TMTC2: variants seen among roughly 807,000 people sequenced by gnomAD.
The protein encoded by TMTC2 is protein O-mannosyl-transferase TMTC2.
A neutral mutation model predicts 82.4 loss-of-function variants in TMTC2; 43 were observed. The ratio of observed to expected loss-of-function variants is 0.52; its 90% CI spans 0.41 to 0.67. The LOEUF (loss-of-function observed/expected upper bound fraction) is 0.67, where lower values mean the gene tolerates loss of function less well. Among genes scored for constraint, TMTC2 ranks in the 30% least tolerant of loss-of-function variants. The probability of loss-of-function intolerance (pLI) is 0.00; values close to 1 mark genes in which losing one functional copy is unlikely to be tolerated. For synonymous variants in TMTC2, 408 were observed against 381.9 expected (o/e 1.07, Z -0.80); for missense variants, 919 against 1,012.4 (o/e 0.91, Z 1.25).
chr12:83,045,903 C>T (rs991154463), intron 9 of TMTC2, among the ~76,000 whole-genome samples: 7 of 152,036 alleles, frequency 4.6e-5, no homozygotes, highest in Admixed American at 3.3e-4. Context: ...CTGATAAGAT[C>T]TCAGGAGTTG....
intron 1 of TMTC2, among the ~76,000 whole-genome samples, chr12:82,791,591 T>C (rs1878474077): frequency 6.6e-6 from 1 of 152,156 alleles, no homozygotes. Context: ...ATATATAGTG[T>C]TATATATGTT....
At chr12:83,005,221 AAAAGG>A (rs1229286211) in intron 8 of TMTC2, among the ~76,000 whole-genome samples, 1 of 12,924 alleles carries the variant, frequency 7.7e-5, no homozygotes, top group Non-Finnish European at 3.8e-4. Flanking sequence ...AAAAAAAAAA[AAAAGG>A]GGAGAGAGAG....
At chr12:82,951,882 A>G (rs1253658780) in intron 4 of TMTC2, among the ~76,000 whole-genome samples, 1 of 152,184 alleles carries the variant, frequency 6.6e-6, no homozygotes, top group Non-Finnish European at 1.5e-5. Context: ...CCAGTATTTA[A>G]CATAGTTTAA....
At chr12:82,724,673 T>G (rs1002097259) in intron 1 of TMTC2, among the ~76,000 whole-genome samples, 1 of 152,200 alleles carries the variant, frequency 6.6e-6, no homozygotes, top group African/African-American at 2.4e-5. Context: ...GAAAACGGAC[T>G]AATACAACTT....
intron 1 of TMTC2, among the ~76,000 whole-genome samples, chr12:82,815,434 C>G (rs2137054974): frequency 6.6e-6 from 1 of 151,868 alleles, no homozygotes; most frequent in African/African-American, 2.4e-5. Context: ...CCTCAGCCTC[C>G]TGAGTAGCTG....
intron 11 of TMTC2, among the ~76,000 whole-genome samples, chr12:83,069,787 T>C (rs1402075671): frequency 2.6e-5 from 4 of 151,944 alleles, no homozygotes; most frequent in African/African-American, 7.2e-5. Flanking sequence ...GTTTTTTTTT[T>C]CAATATTATC....
intron 1 of TMTC2, among the ~76,000 whole-genome samples, chr12:82,711,759 A>G (rs1306755248): frequency 1.3e-5 from 2 of 152,252 alleles, no homozygotes; most frequent in East Asian, 1.9e-4. Context: ...AGCAGATAGA[A>G]GTGTGTAAAT....
intron 10 of TMTC2, among the ~76,000 whole-genome samples, chr12:83,057,995 G>A (rs898820372): frequency 2.6e-5 from 4 of 151,666 alleles, no homozygotes; most frequent in Admixed American, 1.3e-4. Context: ...AATCAGATTC[G>A]CTTCAAACAT....
intron 1 of TMTC2, among the ~76,000 whole-genome samples, chr12:82,856,484 C>A (rs1871264206): frequency 6.6e-6 from 1 of 152,180 alleles, no homozygotes; most frequent in Admixed American, 6.5e-5. Flanking sequence ...CTCTCTCTGG[C>A]TTCTCCCCAG....
At chr12:83,002,809 T>C (rs1332259452) in intron 8 of TMTC2, among the ~76,000 whole-genome samples, 1 of 151,948 alleles carries the variant, frequency 6.6e-6, no homozygotes, top group Admixed American at 6.6e-5. Context: ...TATTGAGACT[T>C]GTGTATGGCT....
chr12:82,719,074 TA>T (rs1874047224), intron 1 of TMTC2, among the ~76,000 whole-genome samples: 1 of 75,286 alleles, frequency 1.3e-5, no homozygotes, highest in African/African-American at 5.9e-5. Flanking sequence ...TATATATATA[TA>T]TATATATATA....
chr12:82,984,293 C>T (rs1048952938), intron 7 of TMTC2, among the ~76,000 whole-genome samples: 1 of 152,058 alleles, frequency 6.6e-6, no homozygotes, highest in Non-Finnish European at 1.5e-5. Flanking sequence ...ACTAGAAACA[C>T]ATAGATATGT....
At chr12:82,707,804 G>C (rs1873434303) in intron 1 of TMTC2, among the ~76,000 whole-genome samples, 1 of 152,214 alleles carries the variant, frequency 6.6e-6, no homozygotes, top group Admixed American at 6.5e-5. Context: ...GGATCACAGA[G>C]GTCGGTGAAA....
At chr12:82,885,557 A>T (rs551696746) in intron 2 of TMTC2, among the ~76,000 whole-genome samples, 1 of 150,298 alleles carries the variant, frequency 6.7e-6, no homozygotes, top group South Asian at 2.1e-4. Context: ...TTCTATAGAG[A>T]TAGGATTTTA....
chr12:82,920,398 C>T (rs1260331289), intron 3 of TMTC2, among the ~76,000 whole-genome samples: 3 of 152,102 alleles, frequency 2.0e-5, no homozygotes, highest in Admixed American at 6.6e-5. Context: ...CTAGAGGGAC[C>T]TCACATTTGA....
At chr12:82,832,756 CTG>C (rs1301500081) in intron 1 of TMTC2, among the ~76,000 whole-genome samples, 1 of 152,176 alleles carries the variant, frequency 6.6e-6, no homozygotes, top group Non-Finnish European at 1.5e-5. Flanking sequence ...CTAAACTTCT[CTG>C]AATTATACCC....
intron 8 of TMTC2, among the ~76,000 whole-genome samples, chr12:82,989,110 A>G (rs541970627): frequency 9.2e-5 from 14 of 151,810 alleles, no homozygotes; most frequent in African/African-American, 1.5e-4. Context: ...AAGAAACCAA[A>G]AAAAGCAAGA....
chr12:83,045,585 T>C (rs1882059535), intron 9 of TMTC2, among the ~76,000 whole-genome samples: 1 of 152,100 alleles, frequency 6.6e-6, no homozygotes, highest in South Asian at 2.1e-4. Flanking sequence ...TCAATGAATG[T>C]CTTATTTATA....
chr12:82,871,182 A>G (rs756995855), intron 2 of TMTC2, among the ~76,000 whole-genome samples: 5 of 152,204 alleles, frequency 3.3e-5, no homozygotes, highest in Admixed American at 6.5e-5. Context: ...TGAGATACAG[A>G]TAAGATAAAC....
Sources: gnomAD v4.1 joint callset for allele counts (sites outside exome capture counted in the v4.1 genomes callset) on GRCh38, gnomAD v4.1.1 for gene constraint, MANE v1.5 for transcripts, NCBI Gene and HGNC (gene_info 2026-07-23, HGNC 2026-07-21) for gene names.